HOOK1: variants seen among roughly 807,000 people sequenced by gnomAD.
HOOK1 encodes protein Hook homolog 1.
HOOK1 carries 60 observed loss-of-function variants against 112.8 expected under a neutral mutation model. The ratio of observed to expected loss-of-function variants is 0.53; its 90% CI spans 0.43 to 0.66. The LOEUF (loss-of-function observed/expected upper bound fraction) is 0.66, where lower values mean the gene tolerates loss of function less well. Among genes scored for constraint, HOOK1 ranks in the 30% least tolerant of loss-of-function variants. HOOK1 has a pLI of 0.00. For missense variants in HOOK1, 770 were observed against 856.0 expected, an observed-to-expected ratio of 0.90 and a Z score of 1.25; for synonymous variants, 294 against 283.8, an observed-to-expected ratio of 1.04 and a Z score of -0.36.
chr1:59,839,504 G>T (rs930851498), intron 7 of HOOK1, among the ~76,000 whole-genome samples: 3 of 152,066 alleles, frequency 2.0e-5, no homozygotes, highest in South Asian at 2.1e-4. Flanking sequence ...TGTTATTGGT[G>T]TATAGGAATG....
intron 14 of HOOK1, 80 bp from the exon 15 acceptor site, chr1:59,860,108 A>G: frequency 9.3e-7 from 1 of 1,072,730 alleles, no homozygotes; most frequent in South Asian, 2.0e-5. Context: ...TTGAGTGGAC[A>G]GGAATTTCCT....
chr1:59,823,600 T>A (rs185559470), intron 2 of HOOK1, among the ~76,000 whole-genome samples: 2 of 152,196 alleles, frequency 1.3e-5, no homozygotes, highest in African/African-American at 4.8e-5. Context: ...GTCCTTTCTA[T>A]ATGTTTTGGT....
In HOOK1 at chr1:59,875,990, C is replaced by T. The variant is rs998200706; in HGVS notation, c.*3025C>T. 1.3e-5 allele frequency: 2 copies of T among 152,608 alleles called. No homozygotes were observed. The highest frequency in any genetic ancestry group is 2.4e-5 in the African/African-American group (1 of 41,436). The allele number at this position is 152,608 out of a possible 1,614,324, so 9.5% of individuals were successfully genotyped here. A position where few individuals can be genotyped will look rare whatever the true frequency, so the allele number is the denominator to read the frequency against. On this transcript the variant is annotated 3_prime_UTR_variant, in exon 22 of 22. Transcript: ENST00000371208. ...TCTGACCCTGGGGCTTGGGGATGGCCTTTAGGCCACAGTAGTGTCTGTGTT... is the reference window on the plus strand; with the variant it reads ...TCTGACCCTGGGGCTTGGGGATGGCTTTTAGGCCACAGTAGTGTCTGTGTT...
At chr1:59,843,649 T>TA (rs775459434) in intron 9 of HOOK1, 51 bp downstream of exon 9, 16 of 1,417,872 alleles carry the variant, frequency 1.1e-5, no homozygotes, top group Non-Finnish European at 1.4e-5. Flanking sequence ...ATTATACCAG[T>TA]AGCAAAAAGT....
chr1:59,869,448 T>C lies in HOOK1; in HGVS notation c.1947+1097T>C, dbSNP rs142119105. Among the ~76,000 whole-genome samples the C allele has an allele frequency of 8.3e-4, 127 of 152,284 alleles. 2 individuals are homozygous for C. The East Asian group carries it at 0.012, about 15-fold the overall frequency. ...CTCAAGTGATCTGCTCTCCTCAGCC[T>C]TCCAAAGTGCTGGGATTACAGACGT... is the stretch of plus-strand genomic sequence containing the variant. On this transcript the variant is annotated intron_variant, in intron 20 of 21. Coordinates refer to ENST00000371208, the MANE Select transcript of HOOK1 (RefSeq NM_015888.6).
intron 9 of HOOK1, among the ~76,000 whole-genome samples, chr1:59,844,852 T>C (rs2102037910): frequency 6.6e-6 from 1 of 152,098 alleles, no homozygotes; most frequent in South Asian, 2.1e-4. Context: ...TTGTGAAAAT[T>C]TGCTGCTAAT....
At chr1:59,840,222 G>A in intron 7 of HOOK1, 86 bp from the exon 8 acceptor site, 2 of 738,378 alleles carry the variant, frequency 2.7e-6, no homozygotes, top group Non-Finnish European at 2.1e-6. Flanking sequence ...GTGTATATGT[G>A]TGTTGTGAGA....
At chr1:59,869,380 T>C (rs983469180) in intron 20 of HOOK1, among the ~76,000 whole-genome samples, 1 of 151,998 alleles carries the variant, frequency 6.6e-6, no homozygotes, top group Non-Finnish European at 1.5e-5. Context: ...TTTGTAGAGA[T>C]AGGGTTTTGC....
chr1:59,858,899 CAA>C (rs762135878), intron 13 of HOOK1, 84 bp from the exon 14 acceptor site: 261 of 575,256 alleles, frequency 4.5e-4, no homozygotes, highest in Non-Finnish European at 6.8e-4. Context: ...GAAAGAAAAA[CAA>C]AGAGAGGGAG....
chr1:59,869,472 G>A (rs965109614), intron 20 of HOOK1, among the ~76,000 whole-genome samples: 1 of 152,134 alleles, frequency 6.6e-6, no homozygotes, highest in Non-Finnish European at 1.5e-5. Context: ...GATTACAGAC[G>A]TGAGCCACCG....
At position 59,873,078 on chromosome 1, in the gene HOOK1, T is replaced by C. The variant is rs971389828; in HGVS notation, c.*113T>C. 15 of 856,256 alleles carry C rather than the reference T, an allele frequency of 1.8e-5. No individual in the cohort carries two copies. The highest frequency in any genetic ancestry group is 2.4e-5 in the Non-Finnish European group (15 of 622,614). The allele number at this position is 856,256 out of a possible 1,614,324, so 53.0% of individuals were successfully genotyped here. A position where few individuals can be genotyped will look rare whatever the true frequency, so the allele number is the denominator to read the frequency against. ...TTGAAAAAGAGTTTATGATGCGGGA[T>C]ATCAGGTATTTTAAAATCAACATGC... On this transcript the variant is annotated 3_prime_UTR_variant, in exon 22 of 22. Transcript: ENST00000371208.
Position 59,865,965 on chromosome 1 carries a change from C to G in HOOK1, c.1838C>G (p.Ala613Gly), listed in dbSNP as rs375577012. 2 of 1,558,008 alleles carry G rather than the reference C, an allele frequency of 1.3e-6. No individual in the cohort carries two copies. Among genetic ancestry groups the G allele is most frequent in the South Asian group, 2.3e-5 (2 of 87,722 alleles). ...AGATATAAAATGTACTTGGAGAAAG[C>G]CAGAAATGTGAGTGACTTATCTTTC... ...EERYKMYLEK[A>G]RNVIKTLDPK... Residue 613 changes from alanine to glycine, a missense_variant, in exon 19 of 22, where the codon GCC becomes GGC. Transcript: ENST00000371208.
At chr1:59,869,782 A>C (rs900796333) in intron 20 of HOOK1, among the ~76,000 whole-genome samples, 1 of 152,160 alleles carries the variant, frequency 6.6e-6, no homozygotes, top group Non-Finnish European at 1.5e-5. Context: ...GTCTGAAGAA[A>C]TGCTATTCTT....
At position 59,872,997 on chromosome 1, in the gene HOOK1, C is replaced by A. The variant is rs570185245; in HGVS notation, c.*32C>A. ...AAAAAAACAAAACAAAACAAAAAAA[C>A]CACATAAAATAGAAGTGTCCTTAAA... is the stretch of plus-strand genomic sequence containing the variant. On this transcript the variant is annotated 3_prime_UTR_variant, in exon 22 of 22. Coordinates refer to ENST00000371208, the MANE Select transcript of HOOK1 (RefSeq NM_015888.6). 86 of 1,413,434 alleles carry A rather than the reference C, an allele frequency of 6.1e-5. No homozygotes were observed. Among genetic ancestry groups the A allele is most frequent in the Admixed American group, 3.8e-4 (14 of 37,076 alleles). The allele number at this position is 1,413,434 out of a possible 1,614,324, so 87.6% of individuals were successfully genotyped here. A position where few individuals can be genotyped will look rare whatever the true frequency, so the allele number is the denominator to read the frequency against.
chr1:59,873,031 T>C lies in HOOK1; in HGVS notation c.*66T>C. 8.2e-7 allele frequency: 1 copy of C among 1,221,624 alleles called. No homozygotes were observed. Among genetic ancestry groups the C allele is most frequent in the Non-Finnish European group, 1.1e-6 (1 of 942,242 alleles). 75.7% of individuals were successfully genotyped at this position (1,221,624 alleles called of 1,614,324 possible). On this transcript the variant is annotated 3_prime_UTR_variant, in exon 22 of 22. Coordinates refer to ENST00000371208, the MANE Select transcript of HOOK1 (RefSeq NM_015888.6). ...ATAGAAGTGTCCTTAAAATATTTTG[T>C]ACCTTTCAACTAACTACCAGATTGA...
chr1:59,851,793 C>A (rs1052404766), intron 12 of HOOK1, among the ~76,000 whole-genome samples: 1 of 151,476 alleles, frequency 6.6e-6, no homozygotes, highest in African/African-American at 2.4e-5. Context: ...GCTGTGAGTT[C>A]TTTGTTTTCG....
chr1:59,858,095 AAT>A (rs1380129702), intron 12 of HOOK1, among the ~76,000 whole-genome samples: 2 of 152,224 alleles, frequency 1.3e-5, no homozygotes, highest in African/African-American at 2.4e-5. Flanking sequence ...TGCCTAAGAC[AAT>A]ATAGCTAGGA....
chr1:59,821,998 G>A, intron 2 of HOOK1, 55 bp downstream of exon 2: 2 of 1,380,398 alleles, frequency 1.4e-6, no homozygotes, highest in Non-Finnish European at 2.1e-6. Flanking sequence ...TACATACCAA[G>A]GAAGAAAACT....
Position 59,840,299 on chromosome 1 carries a change from G to A in HOOK1, c.538-9G>A, listed in dbSNP as rs2098400384. ...GATTTACTAAGATTTAGGACATTTT[G>A]TATTTCAGCTTAAAAGAGCCTTGGA... On this transcript the variant is annotated splice_polypyrimidine_tract_variant and intron_variant, in intron 7 of 21. Transcript: ENST00000371208. 2 of 1,554,054 alleles carry A rather than the reference G, an allele frequency of 1.3e-6. No homozygotes were observed. The highest frequency in any genetic ancestry group is 2.5e-5 in the South Asian group (2 of 79,312).
Sources: allele counts gnomAD v4.1 joint callset (sites outside exome capture counted in the v4.1 genomes callset), GRCh38; gene constraint gnomAD v4.1.1; transcripts MANE v1.5; gene names NCBI Gene and HGNC (gene_info 2026-07-23, HGNC 2026-07-21).